Variants in TBC1D5 observed in about 807,000 individuals in gnomAD.
TBC1D5 encodes TBC1 domain family member 5, also known as TBC1 domain family, member 5.
TBC1D5 carries 75 observed loss-of-function variants against 100.3 expected under a neutral mutation model. The ratio of observed to expected loss-of-function variants is 0.75; its 90% CI spans 0.62 to 0.91. TBC1D5 has a LOEUF of 0.91. Among genes scored for constraint, TBC1D5 ranks in the 40% least tolerant of loss-of-function variants. The probability of loss-of-function intolerance (pLI) is 0.00; values close to 1 mark genes in which losing one functional copy is unlikely to be tolerated. For synonymous variants in TBC1D5, 323 were observed against 325.6 expected, an observed-to-expected ratio of 0.99 and a Z score of 0.09; for missense variants, 910 against 942.4, an observed-to-expected ratio of 0.97 and a Z score of 0.45.
At position 17,448,190 on chromosome 3, in the gene TBC1D5, A is replaced by G. The variant is rs190567128; in HGVS notation, c.98-19671T>C. On this transcript the variant is annotated intron_variant, in intron 3 of 21. Coordinates refer to ENST00000253692, the Ensembl canonical transcript of TBC1D5. The stretch of plus-strand genomic sequence containing the variant: ...AGTTTTATCATGAGATTGCAGGAAT[A>G]TATTAACATCTTCAGTGCCCGCTTC... Among the ~76,000 whole-genome samples, 4 of 152,316 alleles carry G rather than the reference A, an allele frequency of 2.6e-5. No homozygotes were observed. In the East Asian group the frequency reaches 7.7e-4, roughly 29 times the overall value.
intron 16 of TBC1D5, among the ~76,000 whole-genome samples, chr3:17,251,438 C>G (rs981380919): frequency 4.4e-5 from 5 of 113,272 alleles, no homozygotes; most frequent in South Asian, 3.3e-4. Context: ...CCCCCCCCCC[C>G]AGTAGAAGCG....
intron 19 of TBC1D5, among the ~76,000 whole-genome samples, chr3:17,181,217 G>T (rs895131089): frequency 6.6e-6 from 1 of 152,152 alleles, no homozygotes; most frequent in African/African-American, 2.4e-5. Context: ...TTCCAGCATC[G>T]TTTTGCATCA....
chr3:17,545,119 T>A (rs2096401982), intron 2 of TBC1D5, among the ~76,000 whole-genome samples: 1 of 152,158 alleles, frequency 6.6e-6, no homozygotes, highest in Admixed American at 6.5e-5. Flanking sequence ...AAAAGCACTA[T>A]TATGACACCG....
intron 16 of TBC1D5, among the ~76,000 whole-genome samples, chr3:17,252,188 CT>C (rs2077235226): frequency 6.6e-6 from 1 of 152,002 alleles, no homozygotes; most frequent in Non-Finnish European, 1.5e-5. Flanking sequence ...CTAGTGACGG[CT>C]TTTTACAGAC....
intron 2 of TBC1D5, among the ~76,000 whole-genome samples, chr3:17,578,097 G>A (rs771293712): frequency 6.6e-6 from 1 of 151,972 alleles, no homozygotes; most frequent in Non-Finnish European, 1.5e-5. Flanking sequence ...TCTTGGATAT[G>A]GCAAAGTCAC....
At chr3:17,715,153 G>A (rs1234249881) in intron 1 of TBC1D5, among the ~76,000 whole-genome samples, 1 of 152,200 alleles carries the variant, frequency 6.6e-6, no homozygotes, top group East Asian at 1.9e-4. Flanking sequence ...ATGTCATACT[G>A]CAAATCTGTC....
chr3:17,376,703 C>A (rs2092724930), intron 9 of TBC1D5, 90 bp from the exon 10 acceptor site: 1 of 1,043,036 alleles, frequency 9.6e-7, no homozygotes, highest in Non-Finnish European at 1.3e-6. Flanking sequence ...TTCTTCAAAC[C>A]AATTCCCACT....
intron 18 of TBC1D5, among the ~76,000 whole-genome samples, chr3:17,191,101 T>A (rs1030891272): frequency 3.9e-5 from 6 of 152,246 alleles, no homozygotes; most frequent in Admixed American, 1.3e-4. Flanking sequence ...AAAGAAGACT[T>A]TTTAAGAGTA....
intron 16 of TBC1D5, among the ~76,000 whole-genome samples, chr3:17,257,013 G>A (rs1434263962): frequency 6.6e-6 from 1 of 152,082 alleles, no homozygotes; most frequent in Non-Finnish European, 1.5e-5. Context: ...ATGAAGAGAA[G>A]GAGAGAGTGG....
intron 1 of TBC1D5, among the ~76,000 whole-genome samples, chr3:17,642,587 G>A (rs1273604113): frequency 2.0e-5 from 3 of 152,040 alleles, no homozygotes; most frequent in African/African-American, 7.2e-5. Flanking sequence ...TACAGTGGAG[G>A]CCAATTAACA....
At chr3:17,219,811 G>A (rs1039796293) in intron 17 of TBC1D5, among the ~76,000 whole-genome samples, 1 of 152,022 alleles carries the variant, frequency 6.6e-6, no homozygotes, top group Non-Finnish European at 1.5e-5. Context: ...GATTCAGCCA[G>A]TTTTCCTTGA....
chr3:17,706,311 A>T (rs1577669128), intron 1 of TBC1D5: 1 of 1,492,988 alleles, frequency 6.7e-7, no homozygotes, highest in East Asian at 2.5e-5. Context: ...TTTCTGTTCA[A>T]ACCAGAACTG....
intron 2 of TBC1D5, among the ~76,000 whole-genome samples, chr3:17,610,710 C>T (rs2061612924): frequency 6.6e-6 from 1 of 152,040 alleles, no homozygotes; most frequent in Admixed American, 6.6e-5. Context: ...AGCAGAAAGT[C>T]GCTCCTTTAA....
intron 2 of TBC1D5, among the ~76,000 whole-genome samples, chr3:17,577,387 T>C (rs1396048389): frequency 1.3e-5 from 2 of 151,970 alleles, no homozygotes; most frequent in Non-Finnish European, 2.9e-5. Context: ...AAAACTAACT[T>C]TTAACTTGGA....
At chr3:17,526,506 T>G (rs142134834) in intron 2 of TBC1D5, among the ~76,000 whole-genome samples, 2 of 152,324 alleles carry the variant, frequency 1.3e-5, no homozygotes, top group African/African-American at 4.8e-5. Flanking sequence ...CTACTACTAT[T>G]GACACTGGTG....
At chr3:17,613,897 C>A (rs2061897076) in intron 2 of TBC1D5, among the ~76,000 whole-genome samples, 1 of 152,246 alleles carries the variant, frequency 6.6e-6, no homozygotes, top group East Asian at 1.9e-4. Flanking sequence ...TTAATTAGAT[C>A]CCATCTGTCA....
chr3:17,435,259 T>G (rs536608548), intron 3 of TBC1D5, among the ~76,000 whole-genome samples: 1 of 152,136 alleles, frequency 6.6e-6, no homozygotes, highest in Admixed American at 6.5e-5. Flanking sequence ...CCAAAGTCTC[T>G]TCCACATTTT....
Position 17,671,361 on chromosome 3 carries a change from G to A in TBC1D5, c.-100-47448C>T, listed in dbSNP as rs539612375. The stretch of plus-strand genomic sequence containing the variant: ...ATGAAAAAAGACTCCAGTGACTCTG[G>A]ACAGCAAACCAAAAAGGCAACCTAA... On this transcript the variant is annotated intron_variant, in intron 1 of 21. Coordinates refer to ENST00000253692, the Ensembl canonical transcript of TBC1D5. Among the ~76,000 whole-genome samples the A allele has an allele frequency of 1.2e-4, 18 of 152,264 alleles. No homozygotes were observed. In the South Asian group the frequency reaches 3.5e-3, roughly 30 times the overall value.
chr3:17,303,155 C>G (rs1242668585), intron 14 of TBC1D5, among the ~76,000 whole-genome samples: 1 of 152,216 alleles, frequency 6.6e-6, no homozygotes, highest in East Asian at 1.9e-4. Context: ...GGAACAATGT[C>G]TTTCCCTCTA....
Sources: allele counts gnomAD v4.1 joint callset (sites outside exome capture counted in the v4.1 genomes callset), GRCh38; gene constraint gnomAD v4.1.1; transcripts MANE v1.5; gene names NCBI Gene and HGNC (gene_info 2026-07-23, HGNC 2026-07-21).